The following DNAH7 variants were observed in gnomAD, a reference collection of about 807,000 sequenced individuals.
DNAH7 encodes the protein axonemal beta dynein heavy chain 7.
A neutral mutation model predicts 444.6 loss-of-function variants in DNAH7; 397 were observed. The observed-to-expected ratio is 0.89, with a 90% CI of 0.82 to 0.97. The LOEUF is 0.97. DNAH7 is among the 50% of genes least tolerant of loss of function. The pLI, the probability that DNAH7 is intolerant of heterozygous loss-of-function variation, is 0.00. For synonymous variants in DNAH7, 1,636 were observed against 1,624.4 expected, an observed-to-expected ratio of 1.01 and a Z score of -0.17; for missense variants, 4,902 against 4,800.8, an observed-to-expected ratio of 1.02 and a Z score of -0.62.
intron 31 of DNAH7, among the ~76,000 whole-genome samples, chr2:195,889,819 C>T (rs770063689): frequency 3.9e-5 from 6 of 152,252 alleles, no homozygotes; most frequent in South Asian, 4.1e-4. Context: ...CATACATACA[C>T]GTATACACAC....
intron 57 of DNAH7, among the ~76,000 whole-genome samples, chr2:195,791,195 C>T (rs111831562): frequency 1.7e-3 from 260 of 151,990 alleles, no homozygotes; most frequent in African/African-American, 6.1e-3. Flanking sequence ...AGGCCAGGCT[C>T]GGTGGCTCAC....
chr2:196,004,782 TCA>T (rs58787682), intron 10 of DNAH7, among the ~76,000 whole-genome samples: 13,725 of 145,948 alleles, frequency 0.094, 1,022 homozygotes, highest in East Asian at 0.33. Flanking sequence ...AGGGTCTGTC[TCA>T]CACACACACA....
chr2:195,960,237 T>C (rs374276646), intron 18 of DNAH7, 23 bp downstream of exon 18: 268 of 1,556,982 alleles, frequency 1.7e-4, no homozygotes, highest in Non-Finnish European at 1.8e-4. Flanking sequence ...AGCATAAACA[T>C]TGCCATATAA....
At chr2:195,882,078 G>C (rs1277962927) in intron 35 of DNAH7, 86 bp from the exon 36 acceptor site, 9 of 1,114,356 alleles carry the variant, frequency 8.1e-6, no homozygotes, top group Non-Finnish European at 1.2e-5. Flanking sequence ...AAAAGACTAA[G>C]ACCAACAAAC....
chr2:195,783,448 C>T (rs866353209), intron 58 of DNAH7, among the ~76,000 whole-genome samples: 2 of 152,196 alleles, frequency 1.3e-5, no homozygotes, highest in African/African-American at 4.8e-5. Context: ...CTAGTTGTAG[C>T]TCCAGGTGTT....
At chr2:195,870,628 T>G (rs1028368779) in intron 40 of DNAH7, among the ~76,000 whole-genome samples, 1 of 152,058 alleles carries the variant, frequency 6.6e-6, no homozygotes, top group Non-Finnish European at 1.5e-5. Flanking sequence ...CTCTGGGAGG[T>G]AATTAGGTCA....
chr2:195,984,753 A>T, intron 14 of DNAH7, 43 bp from the exon 15 acceptor site: 1 of 1,531,644 alleles, frequency 6.5e-7, no homozygotes, highest in South Asian at 1.1e-5. Flanking sequence ...TTACAGTTCA[A>T]TTTAATTCCA....
At chr2:195,796,794 A>G in intron 55 of DNAH7, 57 bp from the exon 56 acceptor site, 2 of 1,538,182 alleles carry the variant, frequency 1.3e-6, no homozygotes, top group African/African-American at 1.4e-5. Flanking sequence ...AAACATCAAT[A>G]TTGTTTTTTT....
intron 12 of DNAH7, among the ~76,000 whole-genome samples, chr2:195,993,595 CA>C (rs1284023642): frequency 6.6e-6 from 1 of 152,136 alleles, no homozygotes; most frequent in Non-Finnish European, 1.5e-5. Context: ...GTAACTGCAA[CA>C]AGTATATTTG....
intron 49 of DNAH7, among the ~76,000 whole-genome samples, chr2:195,819,994 C>G (rs370440188): frequency 1.5e-4 from 23 of 152,034 alleles, no homozygotes; most frequent in African/African-American, 5.3e-4. Context: ...TCTTGGCAAA[C>G]GAAACAGCAT....
At chr2:195,752,569 G>A (rs146571940) in intron 63 of DNAH7, among the ~76,000 whole-genome samples, 46 of 152,170 alleles carry the variant, frequency 3.0e-4, no homozygotes, top group Non-Finnish European at 4.3e-4. Context: ...GAATAAGGTC[G>A]GTCACTTGGA....
Position 195,777,949 on chromosome 2 carries a change from C to T in DNAH7, c.10915G>A (p.Glu3639Lys), listed in dbSNP as rs762932607. Residue 3639 changes from glutamate to lysine, a missense_variant, in exon 59 of 65, where the codon GAA becomes AAA. Transcript: ENST00000312428. ...PYEALRYMTG[E>K]CNYGGRVTDD... The stretch of plus-strand genomic sequence containing the variant: ...GTCACTCTGCCTCCGTAATTGCATT[C>T]GCCAGTCATGTACCGCAGAGCCTCA... The T allele has an allele frequency of 3.8e-5, 61 of 1,614,038 alleles. No homozygotes were observed. The highest frequency in any genetic ancestry group is 5.0e-5 in the Non-Finnish European group (59 of 1,179,944).
At position 195,987,376 on chromosome 2, in the gene DNAH7, G is replaced by A. The variant is rs569007088; in HGVS notation, c.1627-183C>T. On this transcript the variant is annotated intron_variant, in intron 13 of 64. Transcript: ENST00000312428. The stretch of plus-strand genomic sequence containing the variant: ...TTTGTATTATACAACTATCTTCTGG[G>A]TAAATATCCTTGAAAAGTTTATTAT... Among the ~76,000 whole-genome samples the A allele has an allele frequency of 2.0e-5, 3 of 152,102 alleles. No individual in the cohort carries two copies. In the South Asian group the frequency reaches 6.2e-4, roughly 32 times the overall value.
chr2:196,068,670 G>A (rs751926554), intron 1 of DNAH7, 27 bp downstream of exon 1: 23 of 1,550,126 alleles, frequency 1.5e-5, no homozygotes, highest in African/African-American at 1.4e-4. Flanking sequence ...CGGCGGCGGC[G>A]AGCCTGGCAA....
intron 8 of DNAH7, among the ~76,000 whole-genome samples, chr2:196,021,302 A>G (rs1160989527): frequency 6.6e-6 from 1 of 152,172 alleles, no homozygotes; most frequent in Admixed American, 6.5e-5. Context: ...CAACTCATAA[A>G]TGTAACGTTA....
At chr2:195,742,458 C>T (rs1213644143) in intron 63 of DNAH7, among the ~76,000 whole-genome samples, 1 of 152,164 alleles carries the variant, frequency 6.6e-6, no homozygotes, top group Non-Finnish European at 1.5e-5. Context: ...CAAAAGAGTT[C>T]ATTTCAACAC....
Position 195,858,776 on chromosome 2 carries a change from C to CAT in DNAH7, c.7763_7764dup (p.Glu2589MetfsTer15), listed in dbSNP as rs1699862510. 3.1e-6 allele frequency: 5 copies of CAT among 1,609,368 alleles called. No individual in the cohort carries two copies. Among genetic ancestry groups the CAT allele is most frequent in the Non-Finnish European group, 4.2e-6 (5 of 1,177,998 alleles). ...GAATCCAGTTTCTCCAAACCCACTT[C>CAT]ATATCTCTTTTTCATTTTCATTACT... On this transcript the variant is annotated frameshift_variant, in exon 43 of 65. Transcript: ENST00000312428. LOFTEE classifies it high-confidence loss of function.
rs190767132 is a variant in DNAH7, at chr2:195,981,765, A to G, written c.1833+2867T>C. Among the ~76,000 whole-genome samples the G allele has an allele frequency of 1.1e-3, 161 of 152,378 alleles. 1 individual carries two copies. The highest frequency in any genetic ancestry group is 3.7e-3 in the African/African-American group (154 of 41,588). The stretch of plus-strand genomic sequence containing the variant: ...CTGGGCAAACTGGATATTCATATGC[A>G]GAAGAATGATACTAGACCTCTGTCT... On this transcript the variant is annotated intron_variant, in intron 15 of 64. Transcript: ENST00000312428.
chr2:195,832,025 T>C (rs972720908), intron 48 of DNAH7, among the ~76,000 whole-genome samples: 1 of 152,230 alleles, frequency 6.6e-6, no homozygotes, highest in Non-Finnish European at 1.5e-5. Flanking sequence ...ATTTTAAATA[T>C]TGACTAAGTA....
Sources: gnomAD v4.1 joint callset for allele counts (sites outside exome capture counted in the v4.1 genomes callset) on GRCh38, gnomAD v4.1.1 for gene constraint, MANE v1.5 for transcripts, NCBI Gene and HGNC (gene_info 2026-07-23, HGNC 2026-07-21) for gene names.